PRRC2B: variants seen among roughly 807,000 people sequenced by gnomAD.
PRRC2B encodes the protein protein PRRC2B.
A neutral mutation model predicts 242.3 loss-of-function variants in PRRC2B; 68 were observed. The observed-to-expected ratio is 0.28, with a 90% CI of 0.23 to 0.34. PRRC2B has a LOEUF of 0.34. Among genes scored for constraint, PRRC2B ranks in the 10% least tolerant of loss-of-function variants. PRRC2B has a pLI of 1.00. For missense variants in PRRC2B, 2,835 were observed against 2,954.8 expected (o/e 0.96, Z 0.94); for synonymous variants, 1,228 against 1,173.6 (o/e 1.05, Z -0.95).
chr9:131,488,856 G>A (rs1944102021), intron 28 of PRRC2B, among the ~76,000 whole-genome samples: 1 of 152,188 alleles, frequency 6.6e-6, no homozygotes. Flanking sequence ...CCGTCAACCT[G>A]TGGGCAGTAT....
intron 18 of PRRC2B, 30 bp downstream of exon 18, chr9:131,478,649 G>GGGGGGGGGGCCCGGGGC: frequency 1.8e-5 from 9 of 504,536 alleles, no homozygotes; most frequent in Non-Finnish European, 2.4e-5. Context: ...GGGGCATGGG[G>GGGGGGGGGGCCCGGGGC]CTGGAGGGCA....
rs572678432 is a variant in PRRC2B at position 131,483,285 on chromosome 9, G to A, written c.5374-74G>A. The A allele has an allele frequency of 1.1e-5, 15 of 1,387,450 alleles. No homozygotes were observed. In the East Asian group the frequency reaches 1.6e-4, roughly 15 times the overall value. The allele number at this position is 1,387,450 out of a possible 1,614,324, so 85.9% of individuals were successfully genotyped here. A position where few individuals can be genotyped will look rare whatever the true frequency, so the allele number is the denominator to read the frequency against. ...TTTTGAGTCGGGGAAACTGCATCAC[G>A]TTAATGTATGCCTCTGGGGAATGTA... On this transcript the variant is annotated intron_variant, in intron 22 of 31. Transcript: ENST00000683519.
Position 131,485,028 on chromosome 9 carries a change from C to A in PRRC2B, c.5646C>A (p.Ile1882=), listed in dbSNP as rs776328248. 6.2e-7 allele frequency: 1 copy of A among 1,612,768 alleles called. No individual in the cohort carries two copies. Among genetic ancestry groups the A allele is most frequent in the Non-Finnish European group, 8.5e-7 (1 of 1,179,416 alleles). Residue 1882 remains isoleucine, a synonymous_variant, in exon 25 of 32, where the codon ATC becomes ATA. Coordinates refer to ENST00000683519, the MANE Select transcript of PRRC2B (RefSeq NM_013318.4). ...CTCCAGGCGGCGCTGGCTCAGGCATCCAGCCTCCATCCTCTGTGGGTGCCT... is the reference window on the plus strand; with the variant it reads ...CTCCAGGCGGCGCTGGCTCAGGCATACAGCCTCCATCCTCTGTGGGTGCCT... The part of the protein sequence containing the change: ...QSSPGGAGSG[I]QPPSSVGASS...
intron 1 of PRRC2B, among the ~76,000 whole-genome samples, chr9:131,396,247 C>T (rs1262749647): frequency 1.3e-5 from 2 of 151,734 alleles, no homozygotes; most frequent in East Asian, 3.9e-4. Flanking sequence ...TTCCTTCCTC[C>T]CTTGCCCTCT....
chr9:131,439,841 C>T (rs1838499089), intron 5 of PRRC2B, among the ~76,000 whole-genome samples: 1 of 152,056 alleles, frequency 6.6e-6, no homozygotes, highest in Admixed American at 6.5e-5. Context: ...TCAAGCAATC[C>T]TCCCACCTCA....
chr9:131,484,298 G>A (rs1943953264), intron 23 of PRRC2B, among the ~76,000 whole-genome samples: 1 of 152,168 alleles, frequency 6.6e-6, no homozygotes, highest in African/African-American at 2.4e-5. Context: ...GTTTGTGTGC[G>A]GGCTGCCAGT....
intron 1 of PRRC2B, among the ~76,000 whole-genome samples, chr9:131,394,583 G>A (rs1836989757): frequency 6.6e-6 from 1 of 150,660 alleles, no homozygotes. Context: ...CGCCACCCCC[G>A]TACCCCCGAG....
At chr9:131,485,513 A>G (rs1016354233) in intron 25 of PRRC2B, among the ~76,000 whole-genome samples, 2 of 152,142 alleles carry the variant, frequency 1.3e-5, no homozygotes, top group African/African-American at 4.8e-5. Context: ...TGGGGTGGCC[A>G]CACCCGTGAG....
chr9:131,434,255 G>C (rs1838270625), intron 3 of PRRC2B, among the ~76,000 whole-genome samples: 2 of 152,206 alleles, frequency 1.3e-5, no homozygotes, highest in Non-Finnish European at 2.9e-5. Flanking sequence ...GAACGAAATG[G>C]ATATTGCACA....
chr9:131,401,024 C>T (rs541229078), intron 1 of PRRC2B, among the ~76,000 whole-genome samples: 1 of 150,564 alleles, frequency 6.6e-6, no homozygotes, highest in Admixed American at 6.6e-5. Context: ...AGCAATGGCG[C>T]GATCTTGGCT....
In PRRC2B at chr9:131,494,502, C is replaced by T. The variant is rs768778779; in HGVS notation, c.6555+16C>T. The T allele has an allele frequency of 4.8e-6, 7 of 1,464,546 alleles. No homozygotes were observed. The African/African-American group carries it at 8.3e-5, about 17-fold the overall frequency. The allele number at this position is 1,464,546 out of a possible 1,614,324, so 90.7% of individuals were successfully genotyped here. A position where few individuals can be genotyped will look rare whatever the true frequency, so the allele number is the denominator to read the frequency against. ...CGTGCAACAGGTAGAAGATGGCTTT[C>T]CAGACCCTTCAGCCCTGGACACTTA... On this transcript the variant is annotated intron_variant, in intron 31 of 31. Transcript: ENST00000683519. The surrounding 1 kb of genome is among the most constrained non-coding windows in gnomAD (Gnocchi z 4.3).
Position 131,427,726 on chromosome 9 carries a change from C to T in PRRC2B, c.-51-2368C>T, listed in dbSNP as rs547601308. On this transcript the variant is annotated intron_variant, in intron 1 of 31. Transcript: ENST00000683519. ...CCTCCTGGCCTGCATGGTGTCAGAA[C>T]AAGATGGTGAAATGGCAAACCTTGC... is the stretch of plus-strand genomic sequence containing the variant. 1.5e-4 allele frequency among the ~76,000 whole-genome samples: 23 copies of T among 152,272 alleles called. No individual in the cohort carries two copies. The South Asian group carries it at 4.8e-3, about 32-fold the overall frequency.
At chr9:131,426,952 G>A (rs1008116427) in intron 1 of PRRC2B, among the ~76,000 whole-genome samples, 3 of 152,208 alleles carry the variant, frequency 2.0e-5, no homozygotes, top group Admixed American at 1.3e-4. Context: ...GTGAGGGAAG[G>A]GAGTTAAGTA....
intron 6 of PRRC2B, among the ~76,000 whole-genome samples, chr9:131,445,699 G>A (rs989219530): frequency 1.3e-4 from 20 of 152,188 alleles, no homozygotes; most frequent in African/African-American, 4.8e-4. Context: ...CTTAAGGGTC[G>A]TGTAACTCAG....
At chr9:131,413,887 G>A (rs1311220032) in intron 1 of PRRC2B, among the ~76,000 whole-genome samples, 1 of 151,900 alleles carries the variant, frequency 6.6e-6, no homozygotes, top group Non-Finnish European at 1.5e-5. Context: ...GGGCAGGATG[G>A]TCTTGATCTC....
intron 1 of PRRC2B, among the ~76,000 whole-genome samples, chr9:131,428,932 CT>C (rs1395412001): frequency 6.6e-6 from 1 of 152,166 alleles, no homozygotes; most frequent in African/African-American, 2.4e-5. Context: ...CACACAGGCC[CT>C]TGGTCGGCAC....
Position 131,492,169 on chromosome 9 carries a change from C to T in PRRC2B, c.6382C>T (p.Pro2128Ser), listed in dbSNP as rs755099392. 6.2e-7 allele frequency: 1 copy of T among 1,612,754 alleles called. No individual in the cohort carries two copies. The highest frequency in any genetic ancestry group is 8.5e-7 in the Non-Finnish European group (1 of 1,178,846). Reference protein sequence around the residue: ...QPPVLNTSREPSQMEMKGFHF... With the variant: ...QPPVLNTSRESSQMEMKGFHF... Reference sequence around the variant, plus strand: ...GCTTGTTCCTGCTTGGTCTCTCTAGCCCTCTCAGATGGAGATGAAAGGCTT... The same window carrying T: ...GCTTGTTCCTGCTTGGTCTCTCTAGTCCTCTCAGATGGAGATGAAAGGCTT... Residue 2128 changes from proline to serine, a missense_variant and splice_region_variant, in exon 30 of 32, where the codon CCC becomes TCC. Physicochemically the swap from Pro to Ser is moderately conservative, Grantham distance 74. Transcript: ENST00000683519.
Position 131,474,936 on chromosome 9 carries a change from C to G in PRRC2B, c.2807C>G (p.Thr936Ser), listed in dbSNP as rs10736851. ...CAGCACCCGGAGCAGACGGGCAGGA[C>G]CCGGAGGTCGGGACCCATCAAGAAA... The part of the protein sequence containing the change: ...SSQHPEQTGR[T>S]RRSGPIKKPV... The change falls in exon 16 of 32, where the codon ACC (threonine) becomes AGC (serine). Residue 936 changes from threonine (T) to serine (S), a missense_variant. Physicochemically the swap from Thr to Ser is moderately conservative, Grantham distance 58. Around this residue, in one of 7 missense-constraint regions of PRRC2B, gnomAD observed 1,536 missense variants for 1,483.1 expected, o/e 1.04. Transcript: ENST00000683519. 1,270,326 of 1,592,698 alleles carry G rather than the reference C, an allele frequency of 0.8. 510,400 individuals are homozygous for G. The highest frequency in any genetic ancestry group is 0.92 in the East Asian group (40,105 of 43,624).
intron 1 of PRRC2B, among the ~76,000 whole-genome samples, chr9:131,429,432 A>G (rs868395801): frequency 2.0e-5 from 3 of 152,238 alleles, no homozygotes; most frequent in African/African-American, 2.4e-5. Flanking sequence ...CATAGCCCCC[A>G]TGTGGTCTCT....
Sources: allele counts gnomAD v4.1 joint callset (sites outside exome capture counted in the v4.1 genomes callset), GRCh38; gene constraint gnomAD v4.1.1; regional missense constraint gnomAD v4.1.1; non-coding constraint Gnocchi (gnomAD v3.1); transcripts MANE v1.5; gene names NCBI Gene and HGNC (gene_info 2026-07-23, HGNC 2026-07-21).